Variants in STK3 observed in about 807,000 individuals in gnomAD.
STK3 encodes the protein serine/threonine kinase 3, also known as serine/threonine-protein kinase 3.
Under a neutral mutation model 58.0 loss-of-function variants are expected in STK3, and 41 were observed. That is an observed-to-expected ratio of 0.71 (90% CI 0.55 to 0.92). The LOEUF is 0.92. Ranked by LOEUF, STK3 falls within the 40% of genes least tolerant of loss-of-function variation. The pLI, the probability that STK3 is intolerant of heterozygous loss-of-function variation, is 0.00. For missense variants in STK3, 479 were observed against 602.7 expected, an observed-to-expected ratio of 0.79 and a Z score of 2.15; for synonymous variants, 170 against 191.0, an observed-to-expected ratio of 0.89 and a Z score of 0.91.
intron 9 of STK3, among the ~76,000 whole-genome samples, chr8:98,539,856 C>T (rs370877098): frequency 3.9e-5 from 6 of 152,226 alleles, no homozygotes; most frequent in East Asian, 1.9e-4. Context: ...TGGGTTCCAG[C>T]GATTCTCCTG....
chr8:98,364,380 G>T, the STK3 span, among the ~76,000 whole-genome samples: 2 of 152,080 alleles, frequency 1.3e-5, no homozygotes, highest in Non-Finnish European at 2.9e-5. Flanking sequence ...AACTCCCTCT[G>T]GGCCTATCTT....
At chr8:98,448,019 A>G (rs1165478807) in intron 1 of STK3, among the ~76,000 whole-genome samples, 1 of 150,900 alleles carries the variant, frequency 6.6e-6, no homozygotes, top group African/African-American at 2.4e-5. Flanking sequence ...AAAGAACTTT[A>G]AAAACATTCT....
At position 98,587,271 on chromosome 8, in the gene STK3, G is replaced by A. The variant is rs569120241; in HGVS notation, c.823-7482C>T. ...TTTCCCTCTACACACTGCTTTGAATGCGTCCCAGAGATTCTGGTATGTTGT... is the reference window on the plus strand; with the variant it reads ...TTTCCCTCTACACACTGCTTTGAATACGTCCCAGAGATTCTGGTATGTTGT... On this transcript the variant is annotated intron_variant, in intron 7 of 10. Transcript: ENST00000419617. Among the ~76,000 whole-genome samples, 5 of 152,142 alleles carry A rather than the reference G, an allele frequency of 3.3e-5. No individual in the cohort carries two copies. The East Asian group carries it at 9.7e-4, about 29-fold the overall frequency.
chr8:98,621,433 T>C (rs1014651696), intron 6 of STK3, among the ~76,000 whole-genome samples: 1 of 152,168 alleles, frequency 6.6e-6, no homozygotes, highest in East Asian at 1.9e-4. Flanking sequence ...GAACTCCCAG[T>C]ACTGTGCTGA....
At chr8:98,798,921 A>G (rs1429241253) in intron 1 of STK3, among the ~76,000 whole-genome samples, 3 of 152,254 alleles carry the variant, frequency 2.0e-5, no homozygotes, top group Non-Finnish European at 4.4e-5. Flanking sequence ...ATGTGAAAAC[A>G]CAGCATTCCT....
intron 3 of STK3, chr8:98,427,494 C>G (rs1168328463): frequency 6.6e-6 from 1 of 152,074 alleles, no homozygotes; most frequent in African/African-American, 2.4e-5. Context: ...GGCCGCCCCC[C>G]TCATTCCCGC....
chr8:98,920,737 C>T (rs1839527466), intron 1 of STK3, among the ~76,000 whole-genome samples: 1 of 152,270 alleles, frequency 6.6e-6, no homozygotes, highest in African/African-American at 2.4e-5. Context: ...CAGCATCCTC[C>T]AGCCCCTGGA....
chr8:98,865,625 T>C (rs192306234), intron 3 of STK3, among the ~76,000 whole-genome samples: 1 of 152,304 alleles, frequency 6.6e-6, no homozygotes, highest in Admixed American at 6.5e-5. Flanking sequence ...ACTAGGATTA[T>C]AGGCATGAGA....
At chr8:98,350,612 A>G in the STK3 span, among the ~76,000 whole-genome samples, 1 of 152,246 alleles carries the variant, frequency 6.6e-6, no homozygotes, top group South Asian at 2.1e-4. Context: ...TAATGGACTC[A>G]CAGTTCCACG....
chr8:98,423,403 C>T (rs546258457), intron 3 of STK3, among the ~76,000 whole-genome samples: 44 of 152,288 alleles, frequency 2.9e-4, no homozygotes, highest in South Asian at 1.5e-3. Flanking sequence ...AGCGGGCATG[C>T]GGCTGGAGCA....
At chr8:98,422,673 C>T (rs918817822) in intron 3 of STK3, among the ~76,000 whole-genome samples, 1 of 152,188 alleles carries the variant, frequency 6.6e-6, no homozygotes, top group Non-Finnish European at 1.5e-5. Context: ...CCTCACAGTG[C>T]TCCCACCGCA....
intron 1 of STK3, among the ~76,000 whole-genome samples, chr8:98,911,351 A>G (rs1185696158): frequency 6.6e-6 from 1 of 152,118 alleles, no homozygotes; most frequent in Non-Finnish European, 1.5e-5. Context: ...TAATGCAGCC[A>G]CAAGGATGTA....
intron 10 of STK3, among the ~76,000 whole-genome samples, chr8:98,464,752 T>C (rs1298073088): frequency 1.3e-5 from 2 of 152,094 alleles, no homozygotes; most frequent in African/African-American, 4.8e-5. Flanking sequence ...AAGATAGTGA[T>C]AATTTCAGGC....
intron 10 of STK3, among the ~76,000 whole-genome samples, chr8:98,525,240 GT>G: frequency 6.6e-6 from 1 of 152,182 alleles, no homozygotes; most frequent in Non-Finnish European, 1.5e-5. Context: ...CGGACACAGA[GT>G]GCGGAATAAT....
intron 3 of STK3, among the ~76,000 whole-genome samples, chr8:98,842,931 T>G (rs1836053700): frequency 6.6e-6 from 1 of 151,964 alleles, no homozygotes; most frequent in Admixed American, 6.6e-5. Flanking sequence ...GTGGGAAGAT[T>G]GCTTGCGCCT....
At chr8:98,646,109 C>T (rs1312865372) in intron 6 of STK3, among the ~76,000 whole-genome samples, 1 of 152,214 alleles carries the variant, frequency 6.6e-6, no homozygotes, top group Admixed American at 6.5e-5. Context: ...AGTCAGCCAG[C>T]CAGCTGGACA....
At chr8:98,649,213 T>C (rs1820669758) in intron 6 of STK3, among the ~76,000 whole-genome samples, 1 of 152,228 alleles carries the variant, frequency 6.6e-6, no homozygotes, top group Admixed American at 6.5e-5. Flanking sequence ...TTGACACTAA[T>C]TTGTAGTTTT....
chr8:98,606,387 G>T (rs1389697273), intron 6 of STK3: 1 of 152,298 alleles, frequency 6.6e-6, no homozygotes, highest in East Asian at 1.9e-4. Context: ...CTTTTGCAGT[G>T]TTCTGAACAC....
At chr8:98,426,768 G>A (rs1335763700) in intron 3 of STK3, among the ~76,000 whole-genome samples, 1 of 152,166 alleles carries the variant, frequency 6.6e-6, no homozygotes, top group Non-Finnish European at 1.5e-5. Context: ...TGCGCCCTGG[G>A]GGTGGTGATA....
Sources: gnomAD v4.1 joint callset for allele counts (sites outside exome capture counted in the v4.1 genomes callset) on GRCh38, gnomAD v4.1.1 for gene constraint, MANE v1.5 for transcripts, NCBI Gene and HGNC (gene_info 2026-07-23, HGNC 2026-07-21) for gene names.